MED13L: variants seen among roughly 807,000 people sequenced by gnomAD.
MED13L encodes the protein mediator complex subunit 13L.
In MED13L, 7 loss-of-function variants were observed where a neutral mutation model predicts 220.9. The ratio of observed to expected loss-of-function variants is 0.03; its 90% CI spans 0.02 to 0.06. The LOEUF is 0.06. Among genes scored for constraint, MED13L ranks in the 10% least tolerant of loss-of-function variants. The probability of loss-of-function intolerance (pLI) is 1.00; values close to 1 mark genes in which losing one functional copy is unlikely to be tolerated. For missense variants in MED13L, 1,965 were observed against 2,760.5 expected (o/e 0.71, Z 6.46); for synonymous variants, 1,011 against 1,015.2 (o/e 1.00, Z 0.08).
At chr12:115,970,531 A>T (rs760141369) in intron 27 of MED13L, 63 bp downstream of exon 27, 116 of 1,551,134 alleles carry the variant, frequency 7.5e-5, no homozygotes, top group Non-Finnish European at 1.0e-4. Context: ...CAGCCCAGTG[A>T]TTCCATACTC....
At chr12:116,092,250 T>C (rs1459746597) in intron 4 of MED13L, among the ~76,000 whole-genome samples, 1 of 152,220 alleles carries the variant, frequency 6.6e-6, no homozygotes. Flanking sequence ...AGGCTTGCTT[T>C]ACCGTTCACA....
At position 116,007,643 on chromosome 12, in the gene MED13L, G is replaced by GAAAAA; in HGVS notation, c.2013-8_2013-7insTTTTT. On this transcript the variant is annotated splice_polypyrimidine_tract_variant and splice_region_variant and intron_variant, in intron 10 of 30. Coordinates refer to ENST00000281928, the MANE Select transcript of MED13L (RefSeq NM_015335.5). ...GTTAGGTTGTGCTAAGAGTCTAAAA[G>GAAAAA]ACAAAAAAAAAAAAAAAAAAAAGAG... 1.0e-4 allele frequency: 30 copies of GAAAAA among 290,082 alleles called. No individual in the cohort carries two copies. Among genetic ancestry groups the GAAAAA allele is most frequent in the South Asian group, 4.6e-4 (6 of 13,014 alleles). 18.0% of individuals were successfully genotyped at this position (290,082 alleles called of 1,614,324 possible).
At chr12:116,239,304 CTA>C (rs1191176087) in intron 1 of MED13L, among the ~76,000 whole-genome samples, 2 of 152,070 alleles carry the variant, frequency 1.3e-5, no homozygotes, top group Non-Finnish European at 2.9e-5. Context: ...TAGGGTTTCC[CTA>C]TATGTTACTT....
chr12:116,174,755 G>A (rs1482624452), intron 2 of MED13L: 2 of 152,100 alleles, frequency 1.3e-5, no homozygotes, highest in African/African-American at 4.8e-5. Flanking sequence ...TAAAATACAT[G>A]TGTAAACTTG....
intron 2 of MED13L, among the ~76,000 whole-genome samples, chr12:116,148,406 TGAG>T (rs1436718717): frequency 8.6e-5 from 13 of 151,854 alleles, no homozygotes; most frequent in African/African-American, 3.1e-4. Context: ...TCCTACAAAA[TGAG>T]GAGTGCTACT....
intron 4 of MED13L, among the ~76,000 whole-genome samples, chr12:116,065,698 C>A (rs570756823): frequency 6.6e-6 from 1 of 152,124 alleles, no homozygotes; most frequent in Non-Finnish European, 1.5e-5. Context: ...GCATGGTCAG[C>A]GAAGAGGAAA....
intron 4 of MED13L, among the ~76,000 whole-genome samples, chr12:116,034,320 C>T (rs1881043349): frequency 6.6e-6 from 1 of 151,996 alleles, no homozygotes; most frequent in Non-Finnish European, 1.5e-5. Flanking sequence ...TTATAACATT[C>T]CCCTAAAATT....
chr12:116,026,674 C>G (rs1180860746), intron 4 of MED13L, among the ~76,000 whole-genome samples: 1 of 152,082 alleles, frequency 6.6e-6, no homozygotes, highest in Non-Finnish European at 1.5e-5. Flanking sequence ...GCCTAAATCC[C>G]AACTATTAAA....
At position 116,230,450 on chromosome 12, in the gene MED13L, A is replaced by T. The variant is rs998264470; in HGVS notation, c.310+7018T>A. ...AAACTTACTTTTCAGGTGCACTGTG[A>T]TACCAATCTAAAATACTACAAATCT... is the stretch of plus-strand genomic sequence containing the variant. On this transcript the variant is annotated intron_variant, in intron 2 of 30. Coordinates refer to ENST00000281928, the MANE Select transcript of MED13L (RefSeq NM_015335.5). 2.3e-5 allele frequency: 23 copies of T among 980,402 alleles called. No homozygotes were observed. The African/African-American group carries it at 4.0e-4, about 17-fold the overall frequency. The allele number at this position is 980,402 out of a possible 1,614,324, so 60.7% of individuals were successfully genotyped here.
At chr12:116,023,643 A>G (rs971473013) in intron 4 of MED13L, among the ~76,000 whole-genome samples, 1 of 152,212 alleles carries the variant, frequency 6.6e-6, no homozygotes, top group Non-Finnish European at 1.5e-5. Flanking sequence ...ATAGTGACAC[A>G]TATATATTCT....
chr12:116,253,052 A>G (rs956372708), intron 1 of MED13L, among the ~76,000 whole-genome samples: 6 of 152,110 alleles, frequency 3.9e-5, no homozygotes, highest in African/African-American at 1.4e-4. Context: ...ACCTGAGGTC[A>G]GGAGTTCAAA....
intron 25 of MED13L, among the ~76,000 whole-genome samples, chr12:115,973,159 G>T (rs555007312): frequency 2.0e-4 from 31 of 152,294 alleles, no homozygotes; most frequent in African/African-American, 7.2e-4. Context: ...CATGAAGAAT[G>T]TTTGTTTTAA....
In MED13L at chr12:116,005,997, T is replaced by C. The variant is rs1879021629; in HGVS notation, c.2345-4A>G. 3 of 1,613,668 alleles carry C rather than the reference T, an allele frequency of 1.9e-6. No homozygotes were observed. Among genetic ancestry groups the C allele is most frequent in the Non-Finnish European group, 2.5e-6 (3 of 1,179,814 alleles). On this transcript the variant is annotated splice_polypyrimidine_tract_variant and splice_region_variant and intron_variant, in intron 12 of 30. Coordinates refer to ENST00000281928, the MANE Select transcript of MED13L (RefSeq NM_015335.5). The stretch of plus-strand genomic sequence containing the variant: ...GCAGCATTATCCTGCCGGACATCTG[T>C]AGGAAAGGAGGCAAAAGACACAGAA...
chr12:116,240,531 A>AT lies in MED13L; in HGVS notation c.73-2827dup, dbSNP rs1870524908. Among the ~76,000 whole-genome samples, 14 of 148,088 alleles carry AT rather than the reference A, an allele frequency of 9.5e-5. No individual in the cohort carries two copies. In the South Asian group the frequency reaches 2.8e-3, roughly 30 times the overall value. On this transcript the variant is annotated intron_variant, in intron 1 of 30. Coordinates refer to ENST00000281928, the MANE Select transcript of MED13L (RefSeq NM_015335.5). ...ATCCAAAAAGGTAAGCAGAAGATTT[A>AT]TTTTATTTTTTTTTTTTTGGAGACG...
At chr12:115,990,989 T>C in intron 17 of MED13L, 31 bp downstream of exon 17, 1 of 1,604,576 alleles carries the variant, frequency 6.2e-7, no homozygotes, top group Non-Finnish European at 8.5e-7. Context: ...AAGATACTCC[T>C]CAAAGTAAAT....
At chr12:116,189,862 T>C (rs527994683) in intron 2 of MED13L, among the ~76,000 whole-genome samples, 20 of 152,322 alleles carry the variant, frequency 1.3e-4, no homozygotes, top group Non-Finnish European at 2.2e-4. Context: ...AGAAGTTCAA[T>C]TGATTTTGTG....
At chr12:116,125,328 C>T (rs1274482174) in intron 2 of MED13L, among the ~76,000 whole-genome samples, 8 of 152,110 alleles carry the variant, frequency 5.3e-5, no homozygotes, top group East Asian at 1.9e-4. Flanking sequence ...TCAATGCAAA[C>T]GGTTATGTAC....
Position 115,961,191 on chromosome 12 carries a change from C to T in MED13L, c.*75G>A. On this transcript the variant is annotated 3_prime_UTR_variant, in exon 31 of 31. Coordinates refer to ENST00000281928, the MANE Select transcript of MED13L (RefSeq NM_015335.5). ...TGAAGAAAAGGATGTGGGTTATTTG[C>T]AGAGTGTAGCAGGTTCCTTGGACTG... is the stretch of plus-strand genomic sequence containing the variant. 1 of 1,570,308 alleles carries T rather than the reference C, an allele frequency of 6.4e-7. No individual in the cohort carries two copies. Among genetic ancestry groups the T allele is most frequent in the Non-Finnish European group, 8.8e-7 (1 of 1,141,364 alleles).
In MED13L at chr12:116,266,127, G is replaced by A. The variant is rs74424251; in HGVS notation, c.72+10933C>T. On this transcript the variant is annotated intron_variant, in intron 1 of 30. Coordinates refer to ENST00000281928, the MANE Select transcript of MED13L (RefSeq NM_015335.5). ...ATGTCTCAAATTTCTCAAACATAGCGTACAAAACATTAACATTTCTAAGTA... is the reference window on the plus strand; with the variant it reads ...ATGTCTCAAATTTCTCAAACATAGCATACAAAACATTAACATTTCTAAGTA... Among the ~76,000 whole-genome samples the A allele has an allele frequency of 2.0e-4, 30 of 152,130 alleles. No individual in the cohort carries two copies. The East Asian group carries it at 3.7e-3, about 19-fold the overall frequency.
Sources: gnomAD v4.1 joint callset for allele counts (sites outside exome capture counted in the v4.1 genomes callset) on GRCh38, gnomAD v4.1.1 for gene constraint, MANE v1.5 for transcripts, NCBI Gene and HGNC (gene_info 2026-07-23, HGNC 2026-07-21) for gene names.